Variants in PRKG1 observed in about 807,000 individuals in gnomAD.
The protein encoded by PRKG1 is protein kinase cGMP-dependent 1.
PRKG1 carries 35 observed loss-of-function variants against 88.1 expected under a neutral mutation model. The ratio of observed to expected loss-of-function variants is 0.40; its 90% CI spans 0.30 to 0.53. The LOEUF is 0.53. Among genes scored for constraint, PRKG1 ranks in the 20% least tolerant of loss-of-function variants. The probability of loss-of-function intolerance (pLI) is 0.59; values close to 1 mark genes in which losing one functional copy is unlikely to be tolerated. For synonymous variants in PRKG1, 303 were observed against 292.5 expected (o/e 1.04, Z -0.37); for missense variants, 540 against 839.8 (o/e 0.64, Z 4.41).
At chr10:51,199,833 C>T (rs909931199) in intron 2 of PRKG1, among the ~76,000 whole-genome samples, 12 of 152,166 alleles carry the variant, frequency 7.9e-5, no homozygotes, top group African/African-American at 2.9e-4. Context: ...TGCTGTTACA[C>T]ATCCTGGGTT....
chr10:51,336,689 T>C (rs191555036), intron 2 of PRKG1, among the ~76,000 whole-genome samples: 60 of 152,254 alleles, frequency 3.9e-4, no homozygotes, highest in Non-Finnish European at 6.8e-4. Context: ...AAGAAACTTA[T>C]AGTAGTCACT....
upstream of PRKG1, among the ~76,000 whole-genome samples, chr10:51,072,137 G>C (rs1470131519): frequency 6.6e-6 from 1 of 152,158 alleles, no homozygotes; most frequent in Non-Finnish European, 1.5e-5. Context: ...GGAGGTTGCA[G>C]GGAGCTGAGA....
chr10:51,357,508 G>A (rs528452248), intron 2 of PRKG1, among the ~76,000 whole-genome samples: 2 of 152,032 alleles, frequency 1.3e-5, no homozygotes, highest in South Asian at 4.2e-4. Context: ...CCAGCTCAGT[G>A]TCAATGACGG....
At chr10:51,310,304 C>T (rs942505357) in intron 2 of PRKG1, among the ~76,000 whole-genome samples, 10 of 152,192 alleles carry the variant, frequency 6.6e-5, no homozygotes, top group African/African-American at 2.4e-4. Flanking sequence ...CCAATATCTT[C>T]ATGTCCTATT....
chr10:51,525,908 C>T (rs1291014359), intron 3 of PRKG1, among the ~76,000 whole-genome samples: 1 of 151,686 alleles, frequency 6.6e-6, no homozygotes, highest in Admixed American at 6.6e-5. Context: ...TCACTGCAAT[C>T]TCCTCCTCCC....
At chr10:51,993,171 G>A (rs1844355001) in intron 5 of PRKG1, among the ~76,000 whole-genome samples, 1 of 152,026 alleles carries the variant, frequency 6.6e-6, no homozygotes, top group African/African-American at 2.4e-5. Flanking sequence ...TAAGCTTTAA[G>A]GCAGTAGATT....
intron 3 of PRKG1, among the ~76,000 whole-genome samples, chr10:51,591,555 T>G (rs1261511062): frequency 6.6e-6 from 1 of 152,202 alleles, no homozygotes; most frequent in Non-Finnish European, 1.5e-5. Context: ...TCACCAGCAC[T>G]GCAGAAAGTG....
At chr10:52,086,382 G>A (rs978211064) in intron 7 of PRKG1, among the ~76,000 whole-genome samples, 2 of 148,520 alleles carry the variant, frequency 1.3e-5, no homozygotes, top group African/African-American at 2.5e-5. Context: ...GTATATTTTA[G>A]AAATTATATG....
chr10:52,173,516 C>T (rs1326565874), intron 9 of PRKG1, among the ~76,000 whole-genome samples: 1 of 152,106 alleles, frequency 6.6e-6, no homozygotes, highest in Non-Finnish European at 1.5e-5. Flanking sequence ...TGTTTTGATA[C>T]AATGAACATA....
chr10:51,562,295 G>A (rs7921346), intron 3 of PRKG1, among the ~76,000 whole-genome samples: 22,187 of 151,756 alleles, frequency 0.15, 1,786 homozygotes, highest in African/African-American at 0.21. Context: ...TTCATCTTTT[G>A]CAAGGGGATG....
chr10:51,823,826 A>G (rs775865113), intron 4 of PRKG1, among the ~76,000 whole-genome samples: 28 of 150,082 alleles, frequency 1.9e-4, no homozygotes, highest in Admixed American at 4.0e-4. Flanking sequence ...TCTTCAGATA[A>G]ATTGTTGGTA....
At chr10:51,255,382 T>A (rs1428550348) in intron 2 of PRKG1, among the ~76,000 whole-genome samples, 1 of 152,114 alleles carries the variant, frequency 6.6e-6, no homozygotes, top group Non-Finnish European at 1.5e-5. Context: ...CCAGGCTCTC[T>A]CAAGAATCAG....
At chr10:51,920,382 T>G (rs1282292104) in intron 5 of PRKG1, among the ~76,000 whole-genome samples, 5 of 152,176 alleles carry the variant, frequency 3.3e-5, no homozygotes, top group Admixed American at 6.6e-5. Flanking sequence ...TCAGTTACTG[T>G]TCACTCCACA....
intron 2 of PRKG1, among the ~76,000 whole-genome samples, chr10:51,213,674 A>G (rs1331346927): frequency 6.6e-6 from 1 of 152,210 alleles, no homozygotes; most frequent in Non-Finnish European, 1.5e-5. Context: ...ACTTTAAAAT[A>G]TTATTTTCCT....
intron 9 of PRKG1, among the ~76,000 whole-genome samples, chr10:52,224,609 C>T (rs1240673930): frequency 1.8e-5 from 2 of 113,178 alleles, no homozygotes; most frequent in Non-Finnish European, 3.6e-5. Flanking sequence ...CCGACTCTTC[C>T]CCCCAAGTCC....
At chr10:51,521,336 C>T (rs1356605189) in intron 3 of PRKG1, among the ~76,000 whole-genome samples, 1 of 152,108 alleles carries the variant, frequency 6.6e-6, no homozygotes, top group Non-Finnish European at 1.5e-5. Flanking sequence ...CGACACATAG[C>T]AGTTACTTAC....
chr10:52,177,388 G>A (rs1838894708), intron 9 of PRKG1, among the ~76,000 whole-genome samples: 1 of 151,970 alleles, frequency 6.6e-6, no homozygotes, highest in South Asian at 2.1e-4. Flanking sequence ...TTGATGTATT[G>A]TTGGATTCAG....
chr10:52,150,185 T>C (rs1171657774), intron 8 of PRKG1, among the ~76,000 whole-genome samples: 2 of 149,634 alleles, frequency 1.3e-5, no homozygotes, highest in East Asian at 3.9e-4. Context: ...ATAATAATAA[T>C]TTGATTGGCC....
At chr10:51,673,157 G>A (rs1840625920) in intron 3 of PRKG1, among the ~76,000 whole-genome samples, 1 of 152,110 alleles carries the variant, frequency 6.6e-6, no homozygotes, top group South Asian at 2.1e-4. Context: ...TAGGTGCCTG[G>A]CACTAAAAAA....
Sources: allele counts gnomAD v4.1 joint callset (sites outside exome capture counted in the v4.1 genomes callset), GRCh38; gene constraint gnomAD v4.1.1; transcripts MANE v1.5; gene names NCBI Gene and HGNC (gene_info 2026-07-23, HGNC 2026-07-21).